Variants in TMCO6 observed in about 807,000 individuals in gnomAD.
TMCO6 encodes the protein transmembrane and coiled-coil domain-containing protein 6.
TMCO6 carries 47 observed loss-of-function variants against 61.8 expected under a neutral mutation model. The ratio of observed to expected loss-of-function variants is 0.76; its 90% CI spans 0.60 to 0.97. The LOEUF is 0.97. Among genes scored for constraint, TMCO6 ranks in the 50% least tolerant of loss-of-function variants. TMCO6 has a pLI of 0.00. For synonymous variants in TMCO6, 261 were observed against 254.2 expected (o/e 1.03, Z -0.25); for missense variants, 557 against 601.6 (o/e 0.93, Z 0.78).
the TMCO6 span, among the ~76,000 whole-genome samples, chr5:140,613,551 C>T: frequency 2.6e-5 from 4 of 151,964 alleles, no homozygotes; most frequent in South Asian, 2.1e-4. Flanking sequence ...TTGACTGTTT[C>T]GGTTTTTACA....
chr5:140,624,513 C>G, the TMCO6 span, among the ~76,000 whole-genome samples: 1 of 152,224 alleles, frequency 6.6e-6, no homozygotes, highest in South Asian at 2.1e-4. Context: ...AGAGGTCATT[C>G]CCCTTGACCA....
chr5:140,642,087 T>G (rs369185797), intron 4 of TMCO6, 34 bp downstream of exon 4: 99 of 1,579,748 alleles, frequency 6.3e-5, no homozygotes, highest in Non-Finnish European at 8.3e-5. Context: ...TGTTCTTGGT[T>G]TAGATTTTAA....
upstream of TMCO6, among the ~76,000 whole-genome samples, chr5:140,636,545 T>G (rs906322223): frequency 6.6e-6 from 1 of 151,492 alleles, no homozygotes; most frequent in African/African-American, 2.4e-5. Flanking sequence ...TTTTTTTAAT[T>G]AAAAAATTAA....
the TMCO6 span, chr5:140,632,606 T>G: frequency 1.2e-6 from 2 of 1,613,976 alleles, no homozygotes; most frequent in East Asian, 4.5e-5. The surrounding 1 kb of genome is among the most constrained non-coding windows in gnomAD (Gnocchi z 6.2). Flanking sequence ...CGGTTATCTT[T>G]AGGTCCTCGA....
the TMCO6 span, among the ~76,000 whole-genome samples, chr5:140,620,597 G>A: frequency 5.3e-5 from 8 of 152,150 alleles, no homozygotes; most frequent in Admixed American, 2.0e-4. Context: ...GGGGGTTGTC[G>A]ATAATGAGGG....
upstream of TMCO6, among the ~76,000 whole-genome samples, chr5:140,634,482 CTTTTTTTTTTT>C (rs1221427030): frequency 1.8e-5 from 2 of 110,892 alleles, no homozygotes; most frequent in Admixed American, 1.0e-4. Flanking sequence ...ATATGAAAGT[CTTTTTTTTTTT>C]TTTTTTTTTT....
the TMCO6 span, chr5:140,632,753 G>C: frequency 6.2e-7 from 1 of 1,613,366 alleles, no homozygotes; most frequent in Non-Finnish European, 8.5e-7. The surrounding 1 kb of genome is among the most constrained non-coding windows in gnomAD (Gnocchi z 6.2). Context: ...GCCGCGGGTC[G>C]GCGTCCGCAT....
chr5:140,643,863 A>G lies in TMCO6; in HGVS notation c.1002A>G (p.Arg334=). The part of the protein sequence containing the change: ...VETVGGQMQL[R]DERVVAALFI... ...CTGTGGGAGGGCAAATGCAGCTCAGAGATGAGCGTGTTGTGGCAGCCTTAT... is the reference window on the plus strand; with the variant it reads ...CTGTGGGAGGGCAAATGCAGCTCAGGGATGAGCGTGTTGTGGCAGCCTTAT... Residue 334 remains arginine (R), a synonymous_variant, in exon 9 of 12, where the codon AGA becomes AGG. Coordinates refer to ENST00000394671, the MANE Select transcript of TMCO6 (RefSeq NM_018502.5). 6.2e-7 allele frequency: 1 copy of G among 1,614,216 alleles called. No homozygotes were observed. The highest frequency in any genetic ancestry group is 1.1e-5 in the South Asian group (1 of 91,086).
the TMCO6 span, among the ~76,000 whole-genome samples, chr5:140,619,256 C>T: frequency 6.6e-6 from 1 of 152,172 alleles, no homozygotes. Context: ...AGAGCAGGAG[C>T]ACCATCATCT....
downstream of TMCO6, chr5:140,647,063 T>TA (rs1757443882): frequency 1.5e-6 from 1 of 646,624 alleles, no homozygotes; most frequent in Admixed American, 3.5e-5. Flanking sequence ...CCTGCATACT[T>TA]ATGTTGCCCG....
chr5:140,603,573 G>A, the TMCO6 span, among the ~76,000 whole-genome samples: 1 of 152,158 alleles, frequency 6.6e-6, no homozygotes, highest in East Asian at 1.9e-4. Context: ...CTCCGAAAGT[G>A]CTGGGATCAC....
At chr5:140,622,724 C>CA in the TMCO6 span, among the ~76,000 whole-genome samples, 2,088 of 105,758 alleles carry the variant, frequency 0.02, 36 homozygotes, top group South Asian at 0.078. Flanking sequence ...GCTTTAGCTA[C>CA]AAAAAAAAAA....
the TMCO6 span, among the ~76,000 whole-genome samples, chr5:140,609,658 G>C: frequency 1.1e-5 from 1 of 92,876 alleles, no homozygotes; most frequent in African/African-American, 4.8e-5. Context: ...AAAAAAAAAA[G>C]AATTTCATTG....
At chr5:140,614,010 TG>T in the TMCO6 span, among the ~76,000 whole-genome samples, 3 of 151,952 alleles carry the variant, frequency 2.0e-5, no homozygotes, top group Non-Finnish European at 2.9e-5. Context: ...GCCATTCTCC[TG>T]CCTCAGCCTC....
chr5:140,631,746 T>A, the TMCO6 span: 1 of 1,047,764 alleles, frequency 9.5e-7, no homozygotes, highest in African/African-American at 1.6e-5. Context: ...GTTTAAGATT[T>A]TAATAAAGGT....
the TMCO6 span, among the ~76,000 whole-genome samples, chr5:140,610,245 T>C: frequency 6.9e-6 from 1 of 145,210 alleles, no homozygotes; most frequent in Non-Finnish European, 1.5e-5. Flanking sequence ...TAGTCCCAGC[T>C]ACTCAGGAGG....
the TMCO6 span, among the ~76,000 whole-genome samples, chr5:140,609,809 C>T: frequency 1.9e-4 from 29 of 152,058 alleles, no homozygotes; most frequent in African/African-American, 7.0e-4. Context: ...GTCTGCTCTT[C>T]TCTTCTTTTG....
chr5:140,621,891 C>T, the TMCO6 span, among the ~76,000 whole-genome samples: 4 of 152,130 alleles, frequency 2.6e-5, no homozygotes, highest in Non-Finnish European at 4.4e-5. Context: ...AGGAAATTTA[C>T]GCCTAATAAA....
the TMCO6 span, among the ~76,000 whole-genome samples, chr5:140,612,374 C>G: frequency 2.7e-4 from 38 of 139,266 alleles, no homozygotes; most frequent in Admixed American, 1.6e-3. Context: ...GAGTCTCGCT[C>G]TTTCACCCAG....
Sources: allele counts gnomAD v4.1 joint callset (sites outside exome capture counted in the v4.1 genomes callset), GRCh38; gene constraint gnomAD v4.1.1; non-coding constraint Gnocchi (gnomAD v3.1); transcripts MANE v1.5; gene names NCBI Gene and HGNC (gene_info 2026-07-23, HGNC 2026-07-21).